The following LPP variants were observed in gnomAD, a reference collection of about 807,000 sequenced individuals.
LPP encodes lipoma-preferred partner.
Under a neutral mutation model 60.4 loss-of-function variants are expected in LPP, and 38 were observed. That is an observed-to-expected ratio of 0.63 (90% CI 0.49 to 0.83). The LOEUF is 0.83. Ranked by LOEUF, LPP falls within the 40% of genes least tolerant of loss-of-function variation. LPP has a pLI of 0.00. For synonymous variants in LPP, 328 were observed against 290.8 expected, an observed-to-expected ratio of 1.13 and a Z score of -1.30; for missense variants, 902 against 783.6, an observed-to-expected ratio of 1.15 and a Z score of -1.80.
At chr3:188,397,146 C>G (rs1350734007) in intron 3 of LPP, among the ~76,000 whole-genome samples, 1 of 152,176 alleles carries the variant, frequency 6.6e-6, no homozygotes, top group Non-Finnish European at 1.5e-5. Flanking sequence ...TAGTTATAAT[C>G]TAGCAATAGA....
chr3:188,842,359 T>C (rs980132560), intron 9 of LPP, among the ~76,000 whole-genome samples: 11 of 152,364 alleles, frequency 7.2e-5, no homozygotes, highest in South Asian at 6.2e-4. Context: ...CGCCCAATTT[T>C]ACATCAGATT....
chr3:188,359,336 A>T (rs1339780207), intron 3 of LPP, among the ~76,000 whole-genome samples: 1 of 152,224 alleles, frequency 6.6e-6, no homozygotes, highest in Admixed American at 6.5e-5. Context: ...AGTGAGAAGC[A>T]GGAAGTGAAG....
intron 3 of LPP, among the ~76,000 whole-genome samples, chr3:188,395,717 G>A (rs1780780044): frequency 6.6e-6 from 1 of 152,104 alleles, no homozygotes; most frequent in Non-Finnish European, 1.5e-5. Flanking sequence ...CTTGAGCCCA[G>A]GAGTTCGAGA....
At chr3:188,159,642 G>A (rs778531318) in intron 1 of LPP, among the ~76,000 whole-genome samples, 23 of 152,198 alleles carry the variant, frequency 1.5e-4, no homozygotes, top group Non-Finnish European at 2.8e-4. Context: ...GTTCACTGCA[G>A]CCACAGGATA....
chr3:188,806,278 T>C (rs1336656271), intron 9 of LPP, among the ~76,000 whole-genome samples: 3 of 151,912 alleles, frequency 2.0e-5, no homozygotes, highest in Non-Finnish European at 4.4e-5. Context: ...TACATTAGGA[T>C]TGTTATATCA....
At chr3:188,865,612 T>G (rs910004582) in intron 9 of LPP, among the ~76,000 whole-genome samples, 13 of 152,286 alleles carry the variant, frequency 8.5e-5, no homozygotes, top group Non-Finnish European at 1.6e-4. Flanking sequence ...CATTCCTCAA[T>G]CGGTGAACCA....
At chr3:188,486,856 G>A (rs557500210) in intron 5 of LPP, among the ~76,000 whole-genome samples, 96 of 152,204 alleles carry the variant, frequency 6.3e-4, no homozygotes, top group Non-Finnish European at 1.2e-3. Flanking sequence ...AGAACCTTTG[G>A]CAAATAAAAC....
intron 6 of LPP, among the ~76,000 whole-genome samples, chr3:188,564,318 C>G (rs1831567582): frequency 6.6e-6 from 1 of 151,984 alleles, no homozygotes; most frequent in Non-Finnish European, 1.5e-5. Context: ...GAGAATAGAG[C>G]TAATCTGCCT....
At chr3:188,777,374 C>T (rs1304260645) in intron 9 of LPP, among the ~76,000 whole-genome samples, 2 of 151,442 alleles carry the variant, frequency 1.3e-5, no homozygotes, top group Non-Finnish European at 2.9e-5. Flanking sequence ...TCAATATTTA[C>T]TGAACATCAT....
At chr3:188,836,031 G>C (rs1758365791) in intron 9 of LPP, among the ~76,000 whole-genome samples, 1 of 152,178 alleles carries the variant, frequency 6.6e-6, no homozygotes, top group Non-Finnish European at 1.5e-5. Flanking sequence ...ATGCATTTGG[G>C]CAATTTTGCC....
intron 4 of LPP, among the ~76,000 whole-genome samples, chr3:188,412,281 C>G (rs1318123139): frequency 1.3e-5 from 2 of 152,032 alleles, no homozygotes; most frequent in Non-Finnish European, 2.9e-5. Context: ...GAGACATTTT[C>G]CTTTAGTATA....
At chr3:188,754,163 A>G (rs1729364729) in intron 8 of LPP, among the ~76,000 whole-genome samples, 1 of 152,208 alleles carries the variant, frequency 6.6e-6, no homozygotes, top group African/African-American at 2.4e-5. Flanking sequence ...GAGCCATATG[A>G]TAAATTCATC....
intron 4 of LPP, among the ~76,000 whole-genome samples, chr3:188,480,362 T>C (rs1015164641): frequency 1.3e-5 from 2 of 152,238 alleles, no homozygotes; most frequent in African/African-American, 4.8e-5. Context: ...TGGGTTCACA[T>C]GGAGCAAATC....
chr3:188,640,539 A>T (rs1849872934), intron 7 of LPP, among the ~76,000 whole-genome samples: 1 of 149,568 alleles, frequency 6.7e-6, no homozygotes, highest in African/African-American at 2.5e-5. Flanking sequence ...ATAATAATAA[A>T]AGTTTGGGAC....
rs1474179720 is a variant in LPP, at chr3:188,352,685, T to C, written c.-10+10966T>C. Among the ~76,000 whole-genome samples the C allele has an allele frequency of 2.9e-5, 3 of 103,022 alleles. No individual in the cohort carries two copies. Among genetic ancestry groups the C allele is most frequent in the Non-Finnish European group, 5.9e-5 (3 of 50,526 alleles). 67.6% of individuals were successfully genotyped at this position (103,022 alleles called of 152,430 possible). A position where few individuals can be genotyped will look rare whatever the true frequency, so the allele number is the denominator to read the frequency against. On this transcript the variant is annotated intron_variant, in intron 3 of 11. Coordinates refer to ENST00000617246, the MANE Select transcript of LPP (RefSeq NM_001375462.1). The surrounding 1 kb of genome is among the most constrained non-coding windows in gnomAD (Gnocchi z 4.4). The stretch of plus-strand genomic sequence containing the variant: ...GAGAGGAGGTCAGGTCTTGTTTCCC[T>C]GCTTGTTGATGTTCCAGCTGCATGC...
chr3:188,285,119 A>G (rs1485657084), intron 2 of LPP, among the ~76,000 whole-genome samples: 1 of 152,196 alleles, frequency 6.6e-6, no homozygotes, highest in East Asian at 1.9e-4. Flanking sequence ...GGGCAGATCA[A>G]TCAACTTCTT....
chr3:188,156,734 G>A (rs1016540940), intron 1 of LPP, among the ~76,000 whole-genome samples: 3 of 152,034 alleles, frequency 2.0e-5, no homozygotes, highest in African/African-American at 4.8e-5. Flanking sequence ...CTGCTTGGGA[G>A]GCTGCGGCAG....
chr3:188,657,909 T>C (rs1257194308), intron 7 of LPP, among the ~76,000 whole-genome samples: 3 of 152,330 alleles, frequency 2.0e-5, no homozygotes, highest in East Asian at 1.9e-4. Context: ...TTAGAGTAGA[T>C]ACTGTAAACT....
chr3:188,498,014 C>T (rs1254044350), intron 5 of LPP, among the ~76,000 whole-genome samples: 5 of 152,178 alleles, frequency 3.3e-5, no homozygotes, highest in African/African-American at 9.7e-5. Flanking sequence ...CCAACATGAA[C>T]TAGCTCATTT....
Sources: allele counts gnomAD v4.1 joint callset (sites outside exome capture counted in the v4.1 genomes callset), GRCh38; gene constraint gnomAD v4.1.1; non-coding constraint Gnocchi (gnomAD v3.1); transcripts MANE v1.5; gene names NCBI Gene and HGNC (gene_info 2026-07-23, HGNC 2026-07-21).